DPP8: variants seen among roughly 807,000 people sequenced by gnomAD.
The protein encoded by DPP8 is dipeptidyl peptidase 8.
In DPP8, 31 loss-of-function variants were observed where a neutral mutation model predicts 107.5. The observed-to-expected ratio is 0.29, with a 90% CI of 0.22 to 0.39. DPP8 has a LOEUF of 0.39. Among genes scored for constraint, DPP8 ranks in the 10% least tolerant of loss-of-function variants. DPP8 has a pLI of 1.00. For missense variants in DPP8, 842 were observed against 1,076.1 expected, an observed-to-expected ratio of 0.78 and a Z score of 3.04; for synonymous variants, 381 against 356.6, an observed-to-expected ratio of 1.07 and a Z score of -0.77.
chr15:65,483,078 C>A (rs1567217776), intron 8 of DPP8, among the ~76,000 whole-genome samples: 1 of 151,530 alleles, frequency 6.6e-6, no homozygotes, highest in Non-Finnish European at 1.5e-5. Flanking sequence ...GCCTGGGGGA[C>A]ACAGCAAGAC....
intron 3 of DPP8, among the ~76,000 whole-genome samples, chr15:65,505,169 C>A (rs1397703140): frequency 6.6e-6 from 1 of 151,790 alleles, no homozygotes. Context: ...TCCTGCCTAA[C>A]ACAGTGAAAC....
rs73480724 is a variant in DPP8 at position 65,450,262 on chromosome 15, C to T, written c.2526+737G>A. On this transcript the variant is annotated intron_variant, in intron 19 of 19. Coordinates refer to ENST00000300141, the MANE Select transcript of DPP8 (RefSeq NM_130434.5). Reference sequence around the variant, plus strand: ...GGATTACAGGTATGAGCCACTGTGCCGGGCTGATAGTTTATTATTTTAAAA... The same window carrying T: ...GGATTACAGGTATGAGCCACTGTGCTGGGCTGATAGTTTATTATTTTAAAA... Among the ~76,000 whole-genome samples the T allele has an allele frequency of 9.3e-3, 1,413 of 152,146 alleles. 26 individuals carry two copies. Among genetic ancestry groups the T allele is most frequent in the African/African-American group, 0.033 (1,363 of 41,510 alleles).
At chr15:65,485,023 G>T (rs1308019129) in intron 8 of DPP8, 76 bp downstream of exon 8, 2 of 1,159,992 alleles carry the variant, frequency 1.7e-6, no homozygotes, top group Non-Finnish European at 2.6e-6. Context: ...AAATAAAAAA[G>T]TGTATCAAAG....
In DPP8 at chr15:65,479,046, A is replaced by G. The variant is rs763928126; in HGVS notation, c.1297-7T>C. 6.5e-7 allele frequency: 1 copy of G among 1,548,250 alleles called. No individual in the cohort carries two copies. Among genetic ancestry groups the G allele is most frequent in the Non-Finnish European group, 8.7e-7 (1 of 1,148,222 alleles). The stretch of plus-strand genomic sequence containing the variant: ...CATGAAAGATGTCATGGATCTGTAA[A>G]ATGAATAGCTAAATTTACTATACAT... On this transcript the variant is annotated splice_polypyrimidine_tract_variant and splice_region_variant and intron_variant, in intron 10 of 19. Transcript: ENST00000300141.
intron 17 of DPP8, 81 bp from the exon 18 acceptor site, chr15:65,452,183 A>C (rs950382887): frequency 6.8e-7 from 1 of 1,480,416 alleles, no homozygotes; most frequent in African/African-American, 1.4e-5. Context: ...CTGCAAATTT[A>C]CAGTCTAAAA....
At chr15:65,451,214 G>A (rs2063951711) in intron 18 of DPP8, 104 bp from the exon 19 acceptor site, 1 of 685,080 alleles carries the variant, frequency 1.5e-6, no homozygotes, top group Non-Finnish European at 2.5e-6. Flanking sequence ...TCCTTATACT[G>A]TAATGTTAGA....
At chr15:65,479,445 T>A (rs1414279602) in intron 10 of DPP8, among the ~76,000 whole-genome samples, 2 of 152,202 alleles carry the variant, frequency 1.3e-5, no homozygotes, top group African/African-American at 4.8e-5. Context: ...TGTTCATAGG[T>A]GAATCATATG....
At chr15:65,479,775 C>T (rs570389497) in intron 10 of DPP8, among the ~76,000 whole-genome samples, 3 of 138,012 alleles carry the variant, frequency 2.2e-5, no homozygotes, top group East Asian at 4.5e-4. Context: ...ACCCGGGAAG[C>T]GGAGCTTGCA....
chr15:65,455,764 G>A, intron 16 of DPP8: 13 of 1,286,316 alleles, frequency 1.0e-5, no homozygotes, highest in Non-Finnish European at 1.0e-5. Flanking sequence ...CTGTGCAAAA[G>A]GAACATCGGA....
At chr15:65,512,663 G>A in intron 1 of DPP8, 99 bp from the exon 2 acceptor site, 4 of 1,357,812 alleles carry the variant, frequency 2.9e-6, no homozygotes, top group Non-Finnish European at 4.0e-6. Flanking sequence ...AGTGGGGAGG[G>A]CAAGAAAAAA....
chr15:65,488,164 A>C (rs909234637), intron 6 of DPP8, among the ~76,000 whole-genome samples: 4 of 152,234 alleles, frequency 2.6e-5, no homozygotes, highest in East Asian at 3.8e-4. Flanking sequence ...AAAAAAATAA[A>C]TACTACTTAA....
chr15:65,500,157 G>C lies in DPP8; in HGVS notation c.546+449C>G, dbSNP rs148346037. ...CCTAAGGCTGGGCGCGGTGGCTCAT[G>C]TCTGTAATCCTAGCACTTTGGGAGG... On this transcript the variant is annotated intron_variant, in intron 4 of 19. Transcript: ENST00000300141. 7.9e-3 allele frequency among the ~76,000 whole-genome samples: 1,206 copies of C among 152,182 alleles called. 9 individuals carry two copies. The highest frequency in any genetic ancestry group is 0.018 in the Admixed American group (268 of 15,272).
rs1235607207 is a variant in DPP8, at chr15:65,442,534, C to T, written c.*4350G>A. 3 of 152,192 alleles carry T rather than the reference C, an allele frequency of 2.0e-5. No homozygotes were observed. Among genetic ancestry groups the T allele is most frequent in the South Asian group, 4.1e-4 (2 of 4,836 alleles). The allele number at this position is 152,192 out of a possible 1,614,324, so 9.4% of individuals were successfully genotyped here. A position where few individuals can be genotyped will look rare whatever the true frequency, so the allele number is the denominator to read the frequency against. On this transcript the variant is annotated 3_prime_UTR_variant, in exon 20 of 20. Coordinates refer to ENST00000300141, the MANE Select transcript of DPP8 (RefSeq NM_130434.5). ...AAAATGCAAGAAAACTAATGTTTCACTTTACATGATTAAAAGCCATATACC... is the reference window on the plus strand; with the variant it reads ...AAAATGCAAGAAAACTAATGTTTCATTTTACATGATTAAAAGCCATATACC...
chr15:65,444,386 T>C lies in DPP8; in HGVS notation c.*2498A>G, dbSNP rs1311250002. 1 of 152,234 alleles carries C rather than the reference T, an allele frequency of 6.6e-6. No homozygotes were observed. Among genetic ancestry groups the C allele is most frequent in the Non-Finnish European group, 1.5e-5 (1 of 68,050 alleles). 9.4% of individuals were successfully genotyped at this position (152,234 alleles called of 1,614,324 possible). A position where few individuals can be genotyped will look rare whatever the true frequency, so the allele number is the denominator to read the frequency against. ...TTATCAAGTCTTTAAAAACGTAGTA[T>C]GATATTTAACCTAGTGCTTTTTGGC... is the stretch of plus-strand genomic sequence containing the variant. On this transcript the variant is annotated 3_prime_UTR_variant, in exon 20 of 20. Coordinates refer to ENST00000300141, the MANE Select transcript of DPP8 (RefSeq NM_130434.5).
intron 1 of DPP8, among the ~76,000 whole-genome samples, chr15:65,514,207 C>T (rs372400241): frequency 2.0e-5 from 3 of 152,134 alleles, no homozygotes; most frequent in South Asian, 2.1e-4. Flanking sequence ...GCTACAGTTA[C>T]CTATGTTACC....
chr15:65,471,872 T>C (rs2065927496), intron 12 of DPP8, among the ~76,000 whole-genome samples: 1 of 152,184 alleles, frequency 6.6e-6, no homozygotes, highest in South Asian at 2.1e-4. Flanking sequence ...AGACTACAAG[T>C]GATTTTTACA....
intron 1 of DPP8, chr15:65,515,967 G>C: frequency 2.1e-6 from 1 of 472,042 alleles, no homozygotes; most frequent in Non-Finnish European, 3.7e-6. Context: ...CAGAATTCAA[G>C]AATTATTTTA....
At chr15:65,455,230 C>T (rs980440160) in intron 16 of DPP8, among the ~76,000 whole-genome samples, 2 of 152,040 alleles carry the variant, frequency 1.3e-5, no homozygotes, top group Non-Finnish European at 2.9e-5. Flanking sequence ...CTCCCGGGCT[C>T]AAGTTATCCT....
chr15:65,515,929 A>G lies in DPP8; in HGVS notation c.-12+1557T>C, dbSNP rs1050275327. 1.2e-5 allele frequency: 6 copies of G among 492,218 alleles called. No homozygotes were observed. In the South Asian group the frequency reaches 1.7e-4, roughly 14 times the overall value. 30.5% of individuals were successfully genotyped at this position (492,218 alleles called of 1,614,324 possible). On this transcript the variant is annotated intron_variant, in intron 1 of 19. Transcript: ENST00000300141. ...TTTTGGGGCAATATATAATGCCTAC[A>G]TTATTTTGTATCTGCGTTTTATGTT...
Sources: allele counts gnomAD v4.1 joint callset (sites outside exome capture counted in the v4.1 genomes callset), GRCh38; gene constraint gnomAD v4.1.1; transcripts MANE v1.5; gene names NCBI Gene and HGNC (gene_info 2026-07-23, HGNC 2026-07-21).